Variants in NMNAT2 observed in about 807,000 individuals in gnomAD.
NMNAT2 encodes nicotinamide/nicotinic acid mononucleotide adenylyltransferase 2.
A neutral mutation model predicts 41.6 loss-of-function variants in NMNAT2; 11 were observed. The ratio of observed to expected loss-of-function variants is 0.26; its 90% CI spans 0.17 to 0.44. The LOEUF (loss-of-function observed/expected upper bound fraction) is 0.44. Among genes scored for constraint, NMNAT2 ranks in the 20% least tolerant of loss-of-function variants. The probability of loss-of-function intolerance (pLI) is 1.00; values close to 1 mark genes in which losing one functional copy is unlikely to be tolerated. For synonymous variants in NMNAT2, 148 were observed against 151.2 expected (o/e 0.98, Z 0.16); for missense variants, 288 against 407.7 (o/e 0.71, Z 2.53).
At chr1:183,412,316 C>T (rs1339654088) in intron 1 of NMNAT2, among the ~76,000 whole-genome samples, 3 of 152,132 alleles carry the variant, frequency 2.0e-5, no homozygotes, top group East Asian at 1.9e-4. Context: ...CTCCGCCTCC[C>T]GGGTTCAAGT....
chr1:183,334,911 C>G (rs1326316947), intron 1 of NMNAT2, among the ~76,000 whole-genome samples: 1 of 152,198 alleles, frequency 6.6e-6, no homozygotes, highest in Non-Finnish European at 1.5e-5. Flanking sequence ...TCTGGGCTGA[C>G]TTCCTGTCTG....
intron 1 of NMNAT2, among the ~76,000 whole-genome samples, chr1:183,373,002 G>A (rs1042004648): frequency 1.3e-5 from 2 of 152,154 alleles, no homozygotes; most frequent in African/African-American, 4.8e-5. Context: ...GCTCCCCCAG[G>A]GAGGCCATCA....
intron 1 of NMNAT2, among the ~76,000 whole-genome samples, chr1:183,416,142 C>A (rs1271976195): frequency 6.6e-6 from 1 of 152,216 alleles, no homozygotes; most frequent in Admixed American, 6.5e-5. Flanking sequence ...TCAGCATTCG[C>A]TTAACAAAAG....
chr1:183,268,870 C>A (rs1660889811), intron 8 of NMNAT2, among the ~76,000 whole-genome samples: 1 of 152,132 alleles, frequency 6.6e-6, no homozygotes. Context: ...GGTGGTAAGA[C>A]CTCATCTCTA....
chr1:183,369,451 G>A (rs1486627834), intron 1 of NMNAT2, among the ~76,000 whole-genome samples: 1 of 151,556 alleles, frequency 6.6e-6, no homozygotes, highest in Admixed American at 6.6e-5. Flanking sequence ...TAATCTTTTT[G>A]TATTTTTAGT....
intron 1 of NMNAT2, among the ~76,000 whole-genome samples, chr1:183,313,484 G>A (rs1036431999): frequency 6.6e-6 from 1 of 152,172 alleles, no homozygotes; most frequent in African/African-American, 2.4e-5. Flanking sequence ...TCACTTTCAA[G>A]CATTTCTTTT....
At chr1:183,330,295 G>T (rs1372031616) in intron 1 of NMNAT2, among the ~76,000 whole-genome samples, 1 of 152,238 alleles carries the variant, frequency 6.6e-6, no homozygotes, top group African/African-American at 2.4e-5. Context: ...TGTGCATTTG[G>T]TAAATAAAAT....
chr1:183,361,026 T>A (rs1663296589), intron 1 of NMNAT2, among the ~76,000 whole-genome samples: 1 of 152,234 alleles, frequency 6.6e-6, no homozygotes, highest in African/African-American at 2.4e-5. Context: ...TTTTCTGTCT[T>A]AATGATCATC....
intron 7 of NMNAT2, among the ~76,000 whole-genome samples, chr1:183,279,627 G>C (rs1661209618): frequency 6.6e-6 from 1 of 152,168 alleles, no homozygotes; most frequent in Non-Finnish European, 1.5e-5. Context: ...CTAGTTCTGG[G>C]ACCTGACGAA....
chr1:183,403,165 C>T (rs1008941201), intron 1 of NMNAT2, among the ~76,000 whole-genome samples: 11 of 152,020 alleles, frequency 7.2e-5, no homozygotes, highest in Admixed American at 2.6e-4. Context: ...TACTCCTGAC[C>T]TCAGGTGATC....
intron 1 of NMNAT2, among the ~76,000 whole-genome samples, chr1:183,318,906 C>T (rs537201463): frequency 2.5e-4 from 38 of 152,324 alleles, no homozygotes; most frequent in Admixed American, 1.8e-3. Context: ...ATCATCACAT[C>T]AGCTCTATTG....
At chr1:183,351,143 C>T (rs78746702) in intron 1 of NMNAT2, among the ~76,000 whole-genome samples, 2 of 152,176 alleles carry the variant, frequency 1.3e-5, no homozygotes, top group East Asian at 3.8e-4. Flanking sequence ...TTATCTGTTA[C>T]TGATTTCATG....
At chr1:183,378,539 G>A (rs548977195) in intron 1 of NMNAT2, among the ~76,000 whole-genome samples, 2 of 151,652 alleles carry the variant, frequency 1.3e-5, no homozygotes, top group Admixed American at 1.3e-4. Flanking sequence ...TGGGCAACAA[G>A]AGTGAGACTG....
At chr1:183,377,132 G>A (rs1663696000) in intron 1 of NMNAT2, among the ~76,000 whole-genome samples, 1 of 152,042 alleles carries the variant, frequency 6.6e-6, no homozygotes, top group African/African-American at 2.4e-5. Context: ...CTGGGATAAG[G>A]GAATAGGGAG....
intron 1 of NMNAT2, among the ~76,000 whole-genome samples, chr1:183,409,419 C>A (rs1212493639): frequency 3.3e-5 from 5 of 152,138 alleles, no homozygotes; most frequent in Admixed American, 1.3e-4. Context: ...TGGGCTCAAG[C>A]CATCCTCCCA....
intron 1 of NMNAT2, among the ~76,000 whole-genome samples, chr1:183,370,988 C>T (rs1016731526): frequency 3.3e-5 from 5 of 152,218 alleles, no homozygotes; most frequent in African/African-American, 1.2e-4. Flanking sequence ...TGCCTGACCA[C>T]GGTGCGCCGC....
intron 1 of NMNAT2, among the ~76,000 whole-genome samples, chr1:183,352,478 G>A (rs1028131497): frequency 6.1e-5 from 9 of 148,742 alleles, no homozygotes; most frequent in South Asian, 2.1e-4. Context: ...CAGGAGAATC[G>A]CTTGAACTCG....
intron 1 of NMNAT2, among the ~76,000 whole-genome samples, chr1:183,294,453 C>T (rs1400213021): frequency 6.6e-6 from 1 of 152,170 alleles, no homozygotes; most frequent in Admixed American, 6.5e-5. Flanking sequence ...AAGGAAGGGA[C>T]TGAAAAGTCT....
intron 1 of NMNAT2, among the ~76,000 whole-genome samples, chr1:183,295,870 G>A (rs1557869945): frequency 2.0e-5 from 3 of 151,970 alleles, no homozygotes; most frequent in South Asian, 2.1e-4. Context: ...TTCTTTGAGA[G>A]GAAGTCTCGC....
Sources: allele counts gnomAD v4.1 joint callset (sites outside exome capture counted in the v4.1 genomes callset), GRCh38; gene constraint gnomAD v4.1.1; transcripts MANE v1.5; gene names NCBI Gene and HGNC (gene_info 2026-07-23, HGNC 2026-07-21).